ARID5B: variants seen among roughly 807,000 people sequenced by gnomAD.
ARID5B encodes AT-rich interactive domain-containing protein 5B.
A neutral mutation model predicts 97.2 loss-of-function variants in ARID5B; 13 were observed. The observed-to-expected ratio is 0.13, with a 90% CI of 0.09 to 0.21. ARID5B has a LOEUF of 0.21. Among genes scored for constraint, ARID5B ranks in the 10% least tolerant of loss-of-function variants. The pLI is 1.00. For missense variants in ARID5B, 1,210 were observed against 1,465.3 expected (o/e 0.83, Z 2.84); for synonymous variants, 556 against 570.3 (o/e 0.97, Z 0.36).
At position 62,094,223 on chromosome 10, in the gene ARID5B, C is replaced by T. The variant is rs1353964481; in HGVS notation, c.*1193C>T. On this transcript the variant is annotated 3_prime_UTR_variant, in exon 10 of 10. Coordinates refer to ENST00000279873, the MANE Select transcript of ARID5B (RefSeq NM_032199.3). ...GTTGGCACTGATTCCTTTAAATGGT[C>T]TGGGAAAGGGGGTTGGGAAGAGGAT... 2 of 232,132 alleles carry T rather than the reference C, an allele frequency of 8.6e-6. No homozygotes were observed. Among genetic ancestry groups the T allele is most frequent in the Non-Finnish European group, 1.7e-5 (2 of 117,444 alleles). The allele number at this position is 232,132 out of a possible 1,614,324, so 14.4% of individuals were successfully genotyped here. A position where few individuals can be genotyped will look rare whatever the true frequency, so the allele number is the denominator to read the frequency against.
At chr10:61,927,261 A>G (rs1589222221) in intron 2 of ARID5B, among the ~76,000 whole-genome samples, 1 of 152,074 alleles carries the variant, frequency 6.6e-6, no homozygotes, top group Admixed American at 6.5e-5. Flanking sequence ...CATCCTAACT[A>G]CCCTATGTAG....
chr10:61,904,433 A>G (rs1409059813), intron 2 of ARID5B, among the ~76,000 whole-genome samples: 1 of 152,210 alleles, frequency 6.6e-6, no homozygotes, highest in Non-Finnish European at 1.5e-5. Flanking sequence ...AAGTGTTGAC[A>G]GTGAATAGAT....
At chr10:61,975,067 C>T (rs1838681107) in intron 3 of ARID5B, among the ~76,000 whole-genome samples, 1 of 151,952 alleles carries the variant, frequency 6.6e-6, no homozygotes, top group Non-Finnish European at 1.5e-5. Context: ...GTGTCCATTA[C>T]TTTGCCTGAA....
chr10:61,937,305 A>G (rs1316294955), intron 2 of ARID5B, among the ~76,000 whole-genome samples: 2 of 152,060 alleles, frequency 1.3e-5, no homozygotes, highest in African/African-American at 4.8e-5. Flanking sequence ...ATTTTTGCCT[A>G]AAGTTTCCCA....
In ARID5B at chr10:62,085,655, A is replaced by G. The variant is rs199919035; in HGVS notation, c.1200-47A>G. 17 of 1,477,126 alleles carry G rather than the reference A, an allele frequency of 1.2e-5. No individual in the cohort carries two copies. The African/African-American group carries it at 2.3e-4, about 20-fold the overall frequency. The allele number at this position is 1,477,126 out of a possible 1,614,324, so 91.5% of individuals were successfully genotyped here. ...AGTAAACCCCCATAGCATTGATGCT[A>G]CTGGAATTACTCAACTGACCGATCA... On this transcript the variant is annotated intron_variant, in intron 8 of 9. Coordinates refer to ENST00000279873, the MANE Select transcript of ARID5B (RefSeq NM_032199.3).
intron 2 of ARID5B, among the ~76,000 whole-genome samples, chr10:61,920,324 T>A (rs1843990000): frequency 7.5e-6 from 1 of 133,882 alleles, no homozygotes; most frequent in Admixed American, 7.6e-5. Context: ...AAAAGATGAA[T>A]CTTTGTTTTT....
At chr10:62,057,638 A>C (rs1564639114) in intron 6 of ARID5B, among the ~76,000 whole-genome samples, 1 of 152,142 alleles carries the variant, frequency 6.6e-6, no homozygotes, top group Non-Finnish European at 1.5e-5. Context: ...GTGAGATAAT[A>C]ATATGACGTA....
At chr10:61,942,703 A>G (rs1844431831) in intron 3 of ARID5B, among the ~76,000 whole-genome samples, 1 of 152,130 alleles carries the variant, frequency 6.6e-6, no homozygotes, top group South Asian at 2.1e-4. Context: ...GAGGCAAGAG[A>G]ATTGCTGGAA....
chr10:61,963,586 C>T (rs1308557609), intron 3 of ARID5B, among the ~76,000 whole-genome samples: 1 of 151,968 alleles, frequency 6.6e-6, no homozygotes, highest in South Asian at 2.1e-4. Flanking sequence ...CTGACTGGAC[C>T]AGCTCGGCAG....
intron 3 of ARID5B, among the ~76,000 whole-genome samples, chr10:61,989,315 T>C (rs1838890738): frequency 6.6e-6 from 1 of 152,210 alleles, no homozygotes; most frequent in South Asian, 2.1e-4. Flanking sequence ...TAATTTCACC[T>C]GTTTTCTGTT....
At chr10:61,950,672 G>A (rs1282023255) in intron 3 of ARID5B, among the ~76,000 whole-genome samples, 1 of 152,130 alleles carries the variant, frequency 6.6e-6, no homozygotes, top group African/African-American at 2.4e-5. Flanking sequence ...TTCCAGCCTG[G>A]CCAACACAGT....
intron 6 of ARID5B, among the ~76,000 whole-genome samples, chr10:62,057,761 G>A (rs903054766): frequency 1.3e-5 from 2 of 152,162 alleles, no homozygotes; most frequent in Non-Finnish European, 2.9e-5. Flanking sequence ...CCCCAAATGT[G>A]TTAAAATATA....
chr10:62,031,945 A>G (rs1320413462), intron 4 of ARID5B, among the ~76,000 whole-genome samples: 1 of 152,184 alleles, frequency 6.6e-6, no homozygotes, highest in Non-Finnish European at 1.5e-5. Context: ...AGGGACTGCC[A>G]GTTTATGACC....
At chr10:62,019,988 G>A (rs1839335004) in intron 4 of ARID5B, among the ~76,000 whole-genome samples, 2 of 152,054 alleles carry the variant, frequency 1.3e-5, no homozygotes, top group South Asian at 4.1e-4. Flanking sequence ...TCCTAACTGT[G>A]ACCCTCTGAA....
At chr10:62,032,962 C>T (rs1306511101) in intron 4 of ARID5B, among the ~76,000 whole-genome samples, 1 of 152,150 alleles carries the variant, frequency 6.6e-6, no homozygotes, top group African/African-American at 2.4e-5. Context: ...ACTGAAAACG[C>T]GAGAGCAAAA....
At chr10:61,910,179 A>C (rs755095551) in intron 2 of ARID5B, among the ~76,000 whole-genome samples, 9 of 152,266 alleles carry the variant, frequency 5.9e-5, no homozygotes, top group South Asian at 4.1e-4. Context: ...TTTTTATGAA[A>C]TACAAGAGTC....
At position 62,091,176 on chromosome 10, in the gene ARID5B, G is replaced by A. The variant is rs1840365237; in HGVS notation, c.1713G>A (p.Val571=). 2.5e-6 allele frequency: 4 copies of A among 1,614,092 alleles called. No individual in the cohort carries two copies. The highest frequency in any genetic ancestry group is 3.4e-6 in the Non-Finnish European group (4 of 1,180,002). ...CACTCACCTCTCCTAGTGCCCTGGTGGACTCAAAACAAGAATCCAAACTGT... is the reference window on the plus strand; with the variant it reads ...CACTCACCTCTCCTAGTGCCCTGGTAGACTCAAAACAAGAATCCAAACTGT... ...KQPLTSPSAL[V]DSKQESKLCC... is the part of the protein sequence containing the mutation. Residue 571 remains valine (V), a synonymous_variant, in exon 10 of 10, where the codon GTG becomes GTA. Transcript: ENST00000279873.
chr10:61,944,285 T>C (rs1844464857), intron 3 of ARID5B, among the ~76,000 whole-genome samples: 1 of 152,188 alleles, frequency 6.6e-6, no homozygotes, highest in Non-Finnish European at 1.5e-5. Context: ...AAGAATTGGG[T>C]TGATTAAATC....
intron 8 of ARID5B, among the ~76,000 whole-genome samples, chr10:62,075,975 T>A (rs1840127521): frequency 6.6e-6 from 1 of 152,200 alleles, no homozygotes; most frequent in African/African-American, 2.4e-5. Context: ...GAGAGCACTC[T>A]CAGGGGTAAT....
Sources: gnomAD v4.1 joint callset for allele counts (sites outside exome capture counted in the v4.1 genomes callset) on GRCh38, gnomAD v4.1.1 for gene constraint, MANE v1.5 for transcripts, NCBI Gene and HGNC (gene_info 2026-07-23, HGNC 2026-07-21) for gene names.